The following RDX variants were observed in gnomAD, a reference collection of about 807,000 sequenced individuals.
RDX encodes the protein radixin.
RDX carries 32 observed loss-of-function variants against 83.7 expected under a neutral mutation model. The observed-to-expected ratio is 0.38, with a 90% confidence interval of 0.29 to 0.51. The LOEUF is 0.51. Ranked by LOEUF, RDX falls within the 20% of genes least tolerant of loss-of-function variation. The pLI is 0.87. For synonymous variants in RDX, 229 were observed against 222.7 expected (o/e 1.03, Z -0.25); for missense variants, 600 against 689.9 (o/e 0.87, Z 1.46).
intron 14 of RDX, among the ~76,000 whole-genome samples, chr11:110,201,336 T>A (rs1251315848): frequency 6.6e-6 from 1 of 152,150 alleles, no homozygotes; most frequent in East Asian, 1.9e-4. Flanking sequence ...AAGAGAATTA[T>A]TTTTCATGAA....
intron 9 of RDX, 66 bp from the exon 10 acceptor site, chr11:110,247,899 C>CT: frequency 6.7e-7 from 1 of 1,498,576 alleles, no homozygotes; most frequent in Non-Finnish European, 9.0e-7. Context: ...TGATGGAATA[C>CT]TACTCTGCCA....
intron 14 of RDX, among the ~76,000 whole-genome samples, chr11:110,209,547 A>G (rs1003782412): frequency 1.3e-5 from 2 of 152,156 alleles, no homozygotes; most frequent in Non-Finnish European, 2.9e-5. Flanking sequence ...GCACAGACAA[A>G]CAAAAAGACA....
chr11:110,247,957 G>C (rs1859183475), intron 9 of RDX, 124 bp from the exon 10 acceptor site: 1 of 1,104,336 alleles, frequency 9.1e-7, no homozygotes, highest in Non-Finnish European at 1.3e-6. Context: ...GATGAAGCTG[G>C]AGGCCATGAT....
chr11:110,279,620 A>T (rs1481829504), intron 2 of RDX, 61 bp downstream of exon 2: 1 of 1,130,014 alleles, frequency 8.8e-7, no homozygotes, highest in Non-Finnish European at 1.3e-6. Context: ...GTCTTGTTCC[A>T]AAACGAATTT....
At chr11:110,243,720 GA>G (rs936428031) in intron 10 of RDX, among the ~76,000 whole-genome samples, 31 of 142,252 alleles carry the variant, frequency 2.2e-4, no homozygotes, top group Middle Eastern at 3.5e-3. Flanking sequence ...CTTGTCTCAG[GA>G]AAAAAAAAAA....
At chr11:110,220,746 C>T (rs145582712) in intron 14 of RDX, among the ~76,000 whole-genome samples, 2,453 of 152,218 alleles carry the variant, frequency 0.016, 27 homozygotes, top group Non-Finnish European at 0.026. Context: ...GATCCACCCA[C>T]CTTGGCCTCC....
At chr11:110,224,996 A>G (rs750460201), downstream of RDX, among the ~76,000 whole-genome samples, 18 of 152,196 alleles carry the variant, frequency 1.2e-4, no homozygotes, top group Non-Finnish European at 2.2e-4. Flanking sequence ...TAAAACATCT[A>G]AACATAGGAT....
At chr11:110,289,872 T>C (rs568761119) in intron 1 of RDX, among the ~76,000 whole-genome samples, 1 of 145,456 alleles carries the variant, frequency 6.9e-6, no homozygotes, top group East Asian at 2.0e-4. Context: ...GGCAGGTGAA[T>C]TGCATGAATC....
intron 14 of RDX, among the ~76,000 whole-genome samples, chr11:110,209,720 A>T (rs1213996177): frequency 6.8e-6 from 1 of 146,736 alleles, no homozygotes; most frequent in Non-Finnish European, 1.5e-5. Context: ...ACCCCCCAGC[A>T]GGGGCACACT....
At chr11:110,206,989 T>C (rs1321729998) in intron 14 of RDX, among the ~76,000 whole-genome samples, 1 of 151,914 alleles carries the variant, frequency 6.6e-6, no homozygotes, top group African/African-American at 2.4e-5. Context: ...TTTATTTTTT[T>C]TGTGGCATGG....
intron 1 of RDX, among the ~76,000 whole-genome samples, chr11:110,280,168 GT>G (rs1003620582): frequency 6.6e-6 from 1 of 151,846 alleles, no homozygotes; most frequent in South Asian, 2.1e-4. Context: ...CTTATTCAAT[GT>G]TTTTTTTCTG....
At chr11:110,283,156 A>G (rs1043052590) in intron 1 of RDX, among the ~76,000 whole-genome samples, 6 of 152,148 alleles carry the variant, frequency 3.9e-5, no homozygotes, top group African/African-American at 1.4e-4. Context: ...GTCATAAACT[A>G]ATTTCTTTTT....
chr11:110,212,900 G>C (rs1863893110), intron 14 of RDX, among the ~76,000 whole-genome samples: 4 of 134,674 alleles, frequency 3.0e-5, no homozygotes, highest in African/African-American at 1.2e-4. Flanking sequence ...GCAAAAACTG[G>C]AAGCATTCCC....
chr11:110,229,706 G>C lies in RDX; in HGVS notation c.*2163C>G, dbSNP rs1418474488. ...GAAAAATTCACACAGCCTTAAAAAT[G>C]GATTAAATCCATTTTAATCCTAATC... On this transcript the variant is annotated 3_prime_UTR_variant, in exon 14 of 14. Transcript: ENST00000645495. 1.3e-5 allele frequency: 2 copies of C among 152,340 alleles called. No individual in the cohort carries two copies. Among genetic ancestry groups the C allele is most frequent in the African/African-American group, 4.8e-5 (2 of 41,390 alleles). The allele number at this position is 152,340 out of a possible 1,614,324, so 9.4% of individuals were successfully genotyped here.
chr11:110,277,834 T>C (rs895697927), intron 2 of RDX, among the ~76,000 whole-genome samples: 1 of 152,204 alleles, frequency 6.6e-6, no homozygotes, highest in Non-Finnish European at 1.5e-5. Flanking sequence ...TTCTTAATGG[T>C]TCAAATTTTC....
intron 1 of RDX, among the ~76,000 whole-genome samples, chr11:110,290,775 G>A (rs928464310): frequency 1.3e-5 from 2 of 152,190 alleles, no homozygotes; most frequent in African/African-American, 4.8e-5. Flanking sequence ...GTTGTAGCAG[G>A]AAAGCAGCCA....
At chr11:110,277,751 T>C (rs1479831990) in intron 2 of RDX, among the ~76,000 whole-genome samples, 4 of 152,206 alleles carry the variant, frequency 2.6e-5, no homozygotes, top group Non-Finnish European at 5.9e-5. Context: ...TTTCTCCCAC[T>C]GTCTTGCCTT....
chr11:110,278,897 G>C (rs1373064534), intron 2 of RDX, among the ~76,000 whole-genome samples: 1 of 146,974 alleles, frequency 6.8e-6, no homozygotes, highest in African/African-American at 2.5e-5. Context: ...ATTAAGAAAA[G>C]AACATTTACA....
At chr11:110,176,052 G>A (rs925363326) in intron 15 of RDX, among the ~76,000 whole-genome samples, 4 of 151,834 alleles carry the variant, frequency 2.6e-5, no homozygotes, top group African/African-American at 4.8e-5. Context: ...GGGTGAGGGC[G>A]CACCAGCACC....
Sources: allele counts gnomAD v4.1 joint callset (sites outside exome capture counted in the v4.1 genomes callset), GRCh38; gene constraint gnomAD v4.1.1; transcripts MANE v1.5; gene names NCBI Gene and HGNC (gene_info 2026-07-23, HGNC 2026-07-21).